The following FAM184A variants were observed in gnomAD, a reference collection of about 807,000 sequenced individuals.
The protein encoded by FAM184A is family with sequence similarity 184 member A.
FAM184A carries 99 observed loss-of-function variants against 143.8 expected under a neutral mutation model. That is an observed-to-expected ratio of 0.69 (90% CI 0.58 to 0.81). The LOEUF is 0.81. FAM184A is among the 40% of genes least tolerant of loss of function. The pLI, the probability that FAM184A is intolerant of heterozygous loss-of-function variation, is 0.00. For synonymous variants in FAM184A, 427 were observed against 446.4 expected (o/e 0.96, Z 0.55); for missense variants, 1,217 against 1,310.5 (o/e 0.93, Z 1.10).
intron 1 of FAM184A, among the ~76,000 whole-genome samples, chr6:119,094,149 G>T (rs1209752683): frequency 6.6e-6 from 1 of 151,476 alleles, no homozygotes. Flanking sequence ...ATAGCTCACT[G>T]CAGCCTTAAA....
rs1387868951 is a variant in FAM184A at position 119,078,245 on chromosome 6, T to G, written c.55A>C (p.Lys19Gln). 6 of 1,525,466 alleles carry G rather than the reference T, an allele frequency of 3.9e-6. No individual in the cohort carries two copies. Among genetic ancestry groups the G allele is most frequent in the Middle Eastern group, 1.8e-4 (1 of 5,712 alleles). The allele number at this position is 1,525,466 out of a possible 1,614,324, so 94.5% of individuals were successfully genotyped here. The change falls in exon 1 of 18, where the codon AAA (lysine) becomes CAA (glutamine). Residue 19 changes from lysine to glutamine, a missense_variant. Transcript: ENST00000338891. The surrounding 1 kb of genome is among the most constrained non-coding windows in gnomAD (Gnocchi z 5.5). ...GCGGTGGCCGGCGAGGGCGCGAATT[T>G]GGCCGCCGAGCCGCCGTAATAGTGC... is the stretch of plus-strand genomic sequence containing the variant. ...QQHYYGGSAA[K>Q]FAPSPATAQL...
rs1787934041 is a variant in FAM184A, at chr6:119,078,038, T to C, written c.159+103A>G. 44 of 1,339,964 alleles carry C rather than the reference T, an allele frequency of 3.3e-5. No homozygotes were observed. The South Asian group carries it at 5.6e-4, about 17-fold the overall frequency. The allele number at this position is 1,339,964 out of a possible 1,614,324, so 83.0% of individuals were successfully genotyped here. On this transcript the variant is annotated intron_variant, in intron 1 of 17. Transcript: ENST00000338891. The surrounding 1 kb of genome is among the most constrained non-coding windows in gnomAD (Gnocchi z 5.5). ...CTGTTGCTTCGGCGGAGGAGTAGAG[T>C]TCCCCTCGCTGCGGGCGCAGGGCGC...
intron 3 of FAM184A, among the ~76,000 whole-genome samples, chr6:119,021,347 C>G (rs965001673): frequency 6.6e-5 from 10 of 152,200 alleles, no homozygotes; most frequent in Admixed American, 3.9e-4. Flanking sequence ...TGACACAAGT[C>G]ACCCACTTCC....
At chr6:119,041,832 G>A (rs1363043375) in intron 1 of FAM184A, among the ~76,000 whole-genome samples, 1 of 152,122 alleles carries the variant, frequency 6.6e-6, no homozygotes, top group Admixed American at 6.5e-5. Context: ...CGTCCTAATC[G>A]AGCTGAACAC....
upstream of FAM184A, among the ~76,000 whole-genome samples, chr6:119,083,609 G>A (rs888062543): frequency 1.2e-4 from 18 of 152,138 alleles, no homozygotes; most frequent in African/African-American, 4.1e-4. Context: ...TAGGGCAGGG[G>A]CAAAATGCTG....
At chr6:119,101,608 T>G (rs1187523879) in intron 1 of FAM184A, among the ~76,000 whole-genome samples, 1 of 152,232 alleles carries the variant, frequency 6.6e-6, no homozygotes, top group Non-Finnish European at 1.5e-5. Flanking sequence ...TTCTTGAGTG[T>G]GGGCATGGGA....
chr6:118,974,474 T>C lies in FAM184A; in HGVS notation c.2869A>G (p.Lys957Glu), dbSNP rs181784355. 2.1e-5 allele frequency: 34 copies of C among 1,612,858 alleles called. No individual in the cohort carries two copies. The East Asian group carries it at 5.4e-4, about 25-fold the overall frequency. ...EKNIMRADFN[K>E]TNELLKEINA... ...ATTTCCTTGAGTAGCTCGTTAGTCT[T>C]ATTAAAATCTGCCCGCATGATATTT... The change falls in exon 14 of 18, where the codon AAG (lysine) becomes GAG (glutamate). Residue 957 changes from lysine (K) to glutamate (E), a missense_variant. Lys to Glu is a moderately conservative substitution (Grantham distance 56). Transcript: ENST00000338891.
chr6:119,081,815 A>G (rs1408122299), upstream of FAM184A, among the ~76,000 whole-genome samples: 2 of 152,164 alleles, frequency 1.3e-5, no homozygotes, highest in African/African-American at 4.8e-5. Context: ...GGTGCCTATC[A>G]GTGCATTGCT....
At chr6:119,107,097 G>A (rs1788807785) in intron 1 of FAM184A, among the ~76,000 whole-genome samples, 1 of 152,186 alleles carries the variant, frequency 6.6e-6, no homozygotes, top group Non-Finnish European at 1.5e-5. Flanking sequence ...AATTGTTAGT[G>A]AGAAATACCA....
At chr6:119,106,117 G>A (rs1042471915) in intron 1 of FAM184A, among the ~76,000 whole-genome samples, 11 of 152,202 alleles carry the variant, frequency 7.2e-5, no homozygotes, top group African/African-American at 2.7e-4. Context: ...CTGATGCCGG[G>A]CGCAGTGGCT....
chr6:119,130,902 G>A (rs1320972650), intron 1 of FAM184A, among the ~76,000 whole-genome samples: 1 of 147,050 alleles, frequency 6.8e-6, no homozygotes. Flanking sequence ...CTGCACCTAG[G>A]CTAGAGTGCA....
chr6:119,128,742 T>C (rs989155744), intron 1 of FAM184A, among the ~76,000 whole-genome samples: 4 of 152,168 alleles, frequency 2.6e-5, no homozygotes, highest in Non-Finnish European at 5.9e-5. Flanking sequence ...GCATGGCAGA[T>C]AGCAGGCCTG....
chr6:118,964,874 GA>G, intron 15 of FAM184A, 103 bp from the exon 16 acceptor site: 1 of 608,112 alleles, frequency 1.6e-6, no homozygotes, highest in South Asian at 2.4e-5. Flanking sequence ...TATAAAACCT[GA>G]ATGAAGATTT....
At chr6:119,016,641 G>A (rs769582781) in intron 5 of FAM184A, 106 bp downstream of exon 5, 53 of 926,070 alleles carry the variant, frequency 5.7e-5, no homozygotes, top group Non-Finnish European at 8.0e-5. Context: ...GGGGTCCGTG[G>A]GTTTATTCTT....
At chr6:119,104,243 G>A (rs1788718866) in intron 1 of FAM184A, among the ~76,000 whole-genome samples, 3 of 152,106 alleles carry the variant, frequency 2.0e-5, no homozygotes, top group Non-Finnish European at 2.9e-5. Context: ...CTGGGCTCAA[G>A]CAATCTGCCC....
chr6:119,054,884 C>T (rs1314540822), intron 1 of FAM184A, among the ~76,000 whole-genome samples: 1 of 151,666 alleles, frequency 6.6e-6, no homozygotes, highest in Non-Finnish European at 1.5e-5. Context: ...TTAATAACAG[C>T]TTTGAGATAT....
At chr6:118,981,972 A>G (rs1414563010) in intron 9 of FAM184A, among the ~76,000 whole-genome samples, 2 of 152,192 alleles carry the variant, frequency 1.3e-5, no homozygotes, top group Non-Finnish European at 2.9e-5. Context: ...CAACCCTCTG[A>G]TACCAAATAT....
intron 1 of FAM184A, among the ~76,000 whole-genome samples, chr6:119,034,041 T>TATAGAG (rs1409214932): frequency 2.1e-4 from 9 of 42,004 alleles, no homozygotes; most frequent in African/African-American, 5.3e-4. Context: ...TATATATATA[T>TATAGAG]AGAGAGAGAG....
chr6:119,043,203 G>A (rs1403424349), intron 1 of FAM184A, among the ~76,000 whole-genome samples: 1 of 152,040 alleles, frequency 6.6e-6, no homozygotes, highest in African/African-American at 2.4e-5. Context: ...TCAGAAAGCT[G>A]AGATCACAAT....
Sources: allele counts gnomAD v4.1 joint callset (sites outside exome capture counted in the v4.1 genomes callset), GRCh38; gene constraint gnomAD v4.1.1; non-coding constraint Gnocchi (gnomAD v3.1); transcripts MANE v1.5; gene names NCBI Gene and HGNC (gene_info 2026-07-23, HGNC 2026-07-21).